PRPF6: variants seen among roughly 807,000 people sequenced by gnomAD.
PRPF6 encodes the protein pre-mRNA processing factor 6.
Under a neutral mutation model 118.3 loss-of-function variants are expected in PRPF6, and 42 were observed. The observed-to-expected ratio is 0.35, with a 90% CI of 0.28 to 0.46. The LOEUF (loss-of-function observed/expected upper bound fraction) is 0.46, where lower values mean the gene tolerates loss of function less well. Ranked by LOEUF, PRPF6 falls within the 20% of genes least tolerant of loss-of-function variation. The pLI is 1.00. For synonymous variants in PRPF6, 481 were observed against 485.1 expected, an observed-to-expected ratio of 0.99 and a Z score of 0.11; for missense variants, 662 against 1,255.7, an observed-to-expected ratio of 0.53 and a Z score of 7.15.
chr20:63,994,825 T>C (rs2059134195), intron 4 of PRPF6, 91 bp from the exon 5 acceptor site: 4 of 1,532,510 alleles, frequency 2.6e-6, no homozygotes, highest in Non-Finnish European at 2.7e-6. Flanking sequence ...CTTGGTGATC[T>C]GGAGGCTAGG....
At chr20:63,993,598 G>A in intron 4 of PRPF6, 113 bp downstream of exon 4, 2 of 843,210 alleles carry the variant, frequency 2.4e-6, no homozygotes, top group Middle Eastern at 4.5e-4. Context: ...TTTAATTTAG[G>A]GGGTCATTGC....
intron 2 of PRPF6, 65 bp from the exon 3 acceptor site, chr20:63,984,842 C>G: frequency 8.6e-7 from 1 of 1,159,654 alleles, no homozygotes; most frequent in Non-Finnish European, 1.3e-6. Context: ...TAGAGATCTC[C>G]GTTTCGCTGG....
At chr20:64,021,236 TGTGTGTGC>T (rs1322339527) in intron 12 of PRPF6, among the ~76,000 whole-genome samples, 9 of 151,346 alleles carry the variant, frequency 5.9e-5, no homozygotes, top group African/African-American at 2.2e-4. Context: ...GCCCCATGTC[TGTGTGTGC>T]GTGTGTGCGT....
rs1601533552 is a variant in PRPF6 at position 64,028,174 on chromosome 20, G to A, written c.2340-304G>A. Among the ~76,000 whole-genome samples, 1 of 152,220 alleles carries A rather than the reference G, an allele frequency of 6.6e-6. No individual in the cohort carries two copies. The highest frequency in any genetic ancestry group is 2.4e-5 in the African/African-American group (1 of 41,454). ...GTGCAGGCACTGCCGCAGACAGGCA[G>A]CTTCTGGGTGCCTTGTGCGGCCCTG... On this transcript the variant is annotated intron_variant, in intron 17 of 20. Transcript: ENST00000266079. This position sits in a 1 kb window ranked among gnomAD's most constrained non-coding sequence, Gnocchi z 6.5.
intron 19 of PRPF6, 122 bp from the exon 20 acceptor site, chr20:64,031,796 C>A (rs2145403046): frequency 2.2e-6 from 3 of 1,380,808 alleles, no homozygotes; most frequent in South Asian, 1.2e-5. Flanking sequence ...CTCAGGCCTT[C>A]TTGAGGGGAG....
intron 11 of PRPF6, among the ~76,000 whole-genome samples, chr20:64,016,137 T>C (rs921400250): frequency 1.8e-4 from 27 of 151,830 alleles, no homozygotes; most frequent in African/African-American, 6.5e-4. Flanking sequence ...TTTTTTTTTT[T>C]CTGAGACGTA....
intron 3 of PRPF6, among the ~76,000 whole-genome samples, chr20:63,985,363 GT>G (rs1192241414): frequency 7.0e-6 from 1 of 142,848 alleles, no homozygotes; most frequent in African/African-American, 2.7e-5. Flanking sequence ...AAAAAAAAAA[GT>G]TTTGTTTTGA....
intron 4 of PRPF6, among the ~76,000 whole-genome samples, 198 bp downstream of exon 4, chr20:63,993,683 A>AG (rs138342962): frequency 0.12 from 17,837 of 151,916 alleles, 1,305 homozygotes; most frequent in Non-Finnish European, 0.17. Flanking sequence ...CTACTGTAAA[A>AG]GGTAGGACAA....
intron 12 of PRPF6, 76 bp from the exon 13 acceptor site, chr20:64,022,681 G>T (rs1411267592): frequency 6.3e-7 from 1 of 1,592,568 alleles, no homozygotes; most frequent in African/African-American, 1.3e-5. Context: ...AATCGTATGA[G>T]CCTGGGGAGG....
rs772053700 is a variant in PRPF6 at position 64,027,825 on chromosome 20, C to T, written c.2339+89C>T. On this transcript the variant is annotated intron_variant, in intron 17 of 20. Transcript: ENST00000266079. This position sits in a 1 kb window ranked among gnomAD's most constrained non-coding sequence, Gnocchi z 6.5. ...ACCCAGCTGCTTGTGTGGAGTCACT[C>T]GTGCAGTGCTTCCAGGCTCAGGGGC... 1.9e-5 allele frequency: 30 copies of T among 1,562,968 alleles called. No homozygotes were observed. The highest frequency in any genetic ancestry group is 4.3e-4 in the Middle Eastern group (2 of 4,694).
chr20:63,990,179 T>C (rs2059112333), intron 3 of PRPF6, among the ~76,000 whole-genome samples: 1 of 152,176 alleles, frequency 6.6e-6, no homozygotes, highest in African/African-American at 2.4e-5. Context: ...AACAACCAGA[T>C]CTTACGTGAT....
intron 8 of PRPF6, 53 bp downstream of exon 8, chr20:63,999,812 T>C: frequency 6.3e-7 from 1 of 1,599,706 alleles, no homozygotes. Flanking sequence ...TTGTGGCCCC[T>C]ACGGGAGTAA....
At chr20:63,992,552 T>G (rs1196728748) in intron 3 of PRPF6, among the ~76,000 whole-genome samples, 1 of 152,150 alleles carries the variant, frequency 6.6e-6, no homozygotes, top group Non-Finnish European at 1.5e-5. Context: ...CCACCACGCC[T>G]GGCCTTCTTA....
chr20:64,032,348 C>G (rs1401635847), intron 20 of PRPF6, among the ~76,000 whole-genome samples: 1 of 152,218 alleles, frequency 6.6e-6, no homozygotes, highest in Non-Finnish European at 1.5e-5. Flanking sequence ...AGCCTGGGCT[C>G]ACTTTAGGAA....
In PRPF6 at chr20:64,011,572, A is replaced by G; in HGVS notation, c.1524+69A>G. Reference sequence around the variant, plus strand: ...CATGCAGCACGTGAGAGTCCCACGCAGGACTGGGGGTTGCTGGATGGTACT... The same window carrying G: ...CATGCAGCACGTGAGAGTCCCACGCGGGACTGGGGGTTGCTGGATGGTACT... On this transcript the variant is annotated intron_variant, in intron 11 of 20. Transcript: ENST00000266079. The surrounding 1 kb of genome is among the most constrained non-coding windows in gnomAD (Gnocchi z 6.7). 1 of 1,507,996 alleles carries G rather than the reference A, an allele frequency of 6.6e-7. No individual in the cohort carries two copies. The highest frequency in any genetic ancestry group is 9.0e-7 in the Non-Finnish European group (1 of 1,111,822). 93.4% of individuals were successfully genotyped at this position (1,507,996 alleles called of 1,614,324 possible).
chr20:63,995,063 A>C lies in PRPF6; in HGVS notation c.586A>C (p.Asn196His). Residue 196 changes from asparagine to histidine, a missense_variant, in exon 5 of 21, where the codon AAC becomes CAC. By Grantham distance (68) the Asn-to-His change is moderately conservative. Around this residue, in one of 10 missense-constraint regions of PRPF6, gnomAD observed 97 missense variants for 122.6 expected, o/e 0.79. Coordinates refer to ENST00000266079, the MANE Select transcript of PRPF6 (RefSeq NM_012469.4). ...FFAKHLQTGENHTSVDPRQTQ... is the reference protein window; with the variant it reads ...FFAKHLQTGEHHTSVDPRQTQ... ...TGCCAAACATTTACAGACCGGAGAGAACCATACCTCAGTGGATCCCCGACA... is the reference window on the plus strand; with the variant it reads ...TGCCAAACATTTACAGACCGGAGAGCACCATACCTCAGTGGATCCCCGACA... 6.2e-7 allele frequency: 1 copy of C among 1,614,142 alleles called. No individual in the cohort carries two copies. The highest frequency in any genetic ancestry group is 8.5e-7 in the Non-Finnish European group (1 of 1,180,024).
chr20:64,030,734 T>C (rs958189665), intron 19 of PRPF6, among the ~76,000 whole-genome samples: 1 of 152,266 alleles, frequency 6.6e-6, no homozygotes, highest in Non-Finnish European at 1.5e-5. Context: ...GTGTCTGCTA[T>C]CTGGGTTTGT....
rs566669522 is a variant in PRPF6 at position 64,021,080 on chromosome 20, G to A, written c.1648-1677G>A. 1.4e-4 allele frequency among the ~76,000 whole-genome samples: 22 copies of A among 152,336 alleles called. No individual in the cohort carries two copies. The East Asian group carries it at 3.9e-3, about 27-fold the overall frequency. Reference sequence around the variant, plus strand: ...GGAATTACAGGCGTGAGCCACCGCTGTAGCCACTATACCTGATTTTTAAAA... The same window carrying A: ...GGAATTACAGGCGTGAGCCACCGCTATAGCCACTATACCTGATTTTTAAAA... On this transcript the variant is annotated intron_variant, in intron 12 of 20. Transcript: ENST00000266079.
At position 64,028,856 on chromosome 20, in the gene PRPF6, T is replaced by G. The variant is rs1173041407; in HGVS notation, c.2431+287T>G. 6.6e-6 allele frequency among the ~76,000 whole-genome samples: 1 copy of G among 152,238 alleles called. No individual in the cohort carries two copies. The highest frequency in any genetic ancestry group is 1.5e-5 in the Non-Finnish European group (1 of 68,044). On this transcript the variant is annotated intron_variant, in intron 18 of 20. Transcript: ENST00000266079. This position sits in a 1 kb window ranked among gnomAD's most constrained non-coding sequence, Gnocchi z 6.5. ...TTTCTGAAGTGTTATCATTTCTTTT[T>G]CTTTTAAAATTTAAAAGAAATTGGC...
Sources: gnomAD v4.1 joint callset for allele counts (sites outside exome capture counted in the v4.1 genomes callset) on GRCh38, gnomAD v4.1.1 for gene constraint, gnomAD v4.1.1 regional missense constraint, Gnocchi (gnomAD v3.1) non-coding constraint, MANE v1.5 for transcripts, NCBI Gene and HGNC (gene_info 2026-07-23, HGNC 2026-07-21) for gene names.